The following CACNB4 variants were observed in gnomAD, a reference collection of about 807,000 sequenced individuals.
The protein encoded by CACNB4 is calcium voltage-gated channel auxiliary subunit beta 4, also known as voltage-dependent L-type calcium channel subunit beta-4.
A neutral mutation model predicts 71.2 loss-of-function variants in CACNB4; 32 were observed. That is an observed-to-expected ratio of 0.45 (90% confidence interval 0.34 to 0.60). The LOEUF (loss-of-function observed/expected upper bound fraction) is 0.60. Ranked by LOEUF, CACNB4 falls within the 20% of genes least tolerant of loss-of-function variation. CACNB4 has a pLI of 0.01. For missense variants in CACNB4, 464 were observed against 647.9 expected, an observed-to-expected ratio of 0.72 and a Z score of 3.08; for synonymous variants, 231 against 236.9, an observed-to-expected ratio of 0.97 and a Z score of 0.23.
intron 8 of CACNB4, 37 bp from the exon 9 acceptor site, chr2:151,869,272 C>A: frequency 1.6e-6 from 2 of 1,266,712 alleles, no homozygotes; most frequent in Non-Finnish European, 1.1e-6. Context: ...GAGGCAAACA[C>A]ATGCAGAGAG....
intron 2 of CACNB4, among the ~76,000 whole-genome samples, chr2:152,009,320 A>ATGTCATGTGGTATCCTGGGTGAGAC (rs1682921313): frequency 6.6e-6 from 1 of 152,238 alleles, no homozygotes; most frequent in Non-Finnish European, 1.5e-5. Flanking sequence ...TAATGACAAA[A>ATGTCATGTGGTATCCTGGGTGAGAC]TGTCATGTGG....
intron 2 of CACNB4, among the ~76,000 whole-genome samples, chr2:151,897,207 T>A (rs910429818): frequency 1.3e-5 from 2 of 152,248 alleles, no homozygotes; most frequent in Admixed American, 6.5e-5. Context: ...TGGGCCATGA[T>A]CCACTGGCGA....
At chr2:152,072,806 G>T (rs1369007489) in intron 2 of CACNB4, among the ~76,000 whole-genome samples, 3 of 147,474 alleles carry the variant, frequency 2.0e-5, no homozygotes, top group African/African-American at 5.1e-5. Flanking sequence ...AGGCCCAGCT[G>T]ATTTTTTTTT....
chr2:152,024,627 T>C (rs1320936161), intron 2 of CACNB4, among the ~76,000 whole-genome samples: 1 of 152,064 alleles, frequency 6.6e-6, no homozygotes, highest in African/African-American at 2.4e-5. Flanking sequence ...TAACATAGCA[T>C]ACCAACTATG....
intron 4 of CACNB4, chr2:151,879,690 T>G: frequency 6.6e-6 from 1 of 152,212 alleles, no homozygotes; most frequent in East Asian, 1.9e-4. Context: ...TCTGATAATT[T>G]CAAGACATGA....
chr2:152,041,466 A>C (rs894707633), intron 2 of CACNB4, among the ~76,000 whole-genome samples: 1 of 152,222 alleles, frequency 6.6e-6, no homozygotes, highest in African/African-American at 2.4e-5. Context: ...TTAAAATCAT[A>C]ATATGACAGT....
At chr2:151,983,861 G>T (rs1579072103) in intron 2 of CACNB4, among the ~76,000 whole-genome samples, 2 of 152,184 alleles carry the variant, frequency 1.3e-5, no homozygotes, top group East Asian at 3.9e-4. Context: ...ATAGTCACTG[G>T]ATTTCTGAAC....
chr2:151,844,570 T>G (rs918637599), intron 12 of CACNB4, among the ~76,000 whole-genome samples: 1 of 152,210 alleles, frequency 6.6e-6, no homozygotes, highest in Non-Finnish European at 1.5e-5. Flanking sequence ...ATTCCTTGTC[T>G]CTTGCAATCA....
At chr2:151,840,675 C>G (rs920086538) in intron 13 of CACNB4, among the ~76,000 whole-genome samples, 7 of 152,222 alleles carry the variant, frequency 4.6e-5, no homozygotes, top group African/African-American at 1.7e-4. Flanking sequence ...ATTTGCATGA[C>G]AGTTTTTCTG....
chr2:151,949,656 G>A (rs1228537749), intron 2 of CACNB4, among the ~76,000 whole-genome samples: 1 of 152,190 alleles, frequency 6.6e-6, no homozygotes, highest in Non-Finnish European at 1.5e-5. Context: ...AGGTCCTGAT[G>A]TGCCAAGGAA....
Position 151,985,987 on chromosome 2 carries a change from A to G in CACNB4, c.148-102617T>C, listed in dbSNP as rs192921572. Among the ~76,000 whole-genome samples the G allele has an allele frequency of 3.9e-5, 6 of 152,330 alleles. No individual in the cohort carries two copies. The East Asian group carries it at 1.2e-3, about 29-fold the overall frequency. ...TTTCTAAAAATTCCAAAGTCGTTCT[A>G]TTAGGCAAATGAATGAGACGACTGA... is the stretch of plus-strand genomic sequence containing the variant. On this transcript the variant is annotated intron_variant, in intron 2 of 13. Coordinates refer to ENST00000539935, the MANE Select transcript of CACNB4 (RefSeq NM_000726.5).
chr2:151,856,196 G>C (rs931486718), intron 10 of CACNB4, among the ~76,000 whole-genome samples: 13 of 149,460 alleles, frequency 8.7e-5, no homozygotes, highest in Non-Finnish European at 4.4e-5. Context: ...ATAGGACATG[G>C]CTTTCTGAAA....
chr2:151,987,257 C>T (rs532825173), intron 2 of CACNB4, among the ~76,000 whole-genome samples: 4 of 152,242 alleles, frequency 2.6e-5, no homozygotes, highest in Admixed American at 2.0e-4. Flanking sequence ...GGATAGGCTA[C>T]CTGAACTTCA....
At chr2:151,979,198 G>A (rs1352516009) in intron 2 of CACNB4, among the ~76,000 whole-genome samples, 4 of 152,174 alleles carry the variant, frequency 2.6e-5, no homozygotes, top group Non-Finnish European at 5.9e-5. Flanking sequence ...GAACAGCAGA[G>A]AGAAACAAGC....
At chr2:151,869,133 T>G in intron 9 of CACNB4, 44 bp downstream of exon 9, 1 of 1,095,198 alleles carries the variant, frequency 9.1e-7, no homozygotes. Flanking sequence ...CACACAAGTT[T>G]GGTTAAAGGA....
chr2:151,883,464 C>T, intron 2 of CACNB4, 94 bp from the exon 3 acceptor site: 3 of 1,311,562 alleles, frequency 2.3e-6, no homozygotes, highest in Non-Finnish European at 3.3e-6. Context: ...TTTTCATTTG[C>T]CTAAAATTTG....
intron 12 of CACNB4, chr2:151,850,141 C>CTTTCTTTTTTTTT (rs1553744905): frequency 2.0e-4 from 20 of 98,170 alleles, no homozygotes; most frequent in East Asian, 1.2e-3. Context: ...TTCTTTCTTT[C>CTTTCTTTTTTTTT]TTTTTTTTTT....
At chr2:152,021,597 T>C (rs1683670789) in intron 2 of CACNB4, among the ~76,000 whole-genome samples, 1 of 152,340 alleles carries the variant, frequency 6.6e-6, no homozygotes, top group African/African-American at 2.4e-5. Flanking sequence ...AAAACTTGCA[T>C]AAATATTTGA....
At chr2:152,094,792 A>C (rs1688178976) in intron 2 of CACNB4, among the ~76,000 whole-genome samples, 1 of 152,222 alleles carries the variant, frequency 6.6e-6, no homozygotes, top group Non-Finnish European at 1.5e-5. Flanking sequence ...GTGTTTCCTA[A>C]AACTTTAAAA....
Sources: allele counts gnomAD v4.1 joint callset (sites outside exome capture counted in the v4.1 genomes callset), GRCh38; gene constraint gnomAD v4.1.1; transcripts MANE v1.5; gene names NCBI Gene and HGNC (gene_info 2026-07-23, HGNC 2026-07-21).